SLC30A9: variants seen among roughly 807,000 people sequenced by gnomAD.
The protein encoded by SLC30A9 is solute carrier family 30 member 9.
In SLC30A9, 58 loss-of-function variants were observed where a neutral mutation model predicts 87.5. That is an observed-to-expected ratio of 0.66 (90% CI 0.54 to 0.82). The LOEUF (loss-of-function observed/expected upper bound fraction) is 0.82. SLC30A9 is among the 40% of genes least tolerant of loss of function. SLC30A9 has a pLI of 0.00. For missense variants in SLC30A9, 557 were observed against 679.1 expected (o/e 0.82, Z 2.00); for synonymous variants, 234 against 233.0 (o/e 1.00, Z -0.04).
Position 42,020,352 on chromosome 4 carries a change from A to G in SLC30A9, c.335-64A>G, listed in dbSNP as rs1234677927. 5 of 763,470 alleles carry G rather than the reference A, an allele frequency of 6.5e-6. No individual in the cohort carries two copies. In the South Asian group the frequency reaches 8.6e-5, roughly 13 times the overall value. The allele number at this position is 763,470 out of a possible 1,614,324, so 47.3% of individuals were successfully genotyped here. On this transcript the variant is annotated intron_variant, in intron 3 of 17. Coordinates refer to ENST00000264451, the MANE Select transcript of SLC30A9 (RefSeq NM_006345.4). ...AGTGAAGCCTCTTAAGTATCAGCCT[A>G]TATTCATCTTCACATGTGACTTTCA...
chr4:42,014,464 G>A (rs1377290298), intron 2 of SLC30A9, among the ~76,000 whole-genome samples: 1 of 152,080 alleles, frequency 6.6e-6, no homozygotes, highest in Non-Finnish European at 1.5e-5. Flanking sequence ...GGCTGAGGCA[G>A]GAGAATTGCT....
rs1718116466 is a variant in SLC30A9, at chr4:42,067,257, A to T, written c.1252+65A>T. ...CTTAAATAATTCTCTAATATGTGGG[A>T]ATTTTCTCTTATATCATTGAATAAT... On this transcript the variant is annotated intron_variant, in intron 14 of 17. Transcript: ENST00000264451. 3.0e-6 allele frequency: 3 copies of T among 989,478 alleles called. No individual in the cohort carries two copies. In the Admixed American group the frequency reaches 5.5e-5, roughly 18 times the overall value. 61.3% of individuals were successfully genotyped at this position (989,478 alleles called of 1,614,324 possible). A position where few individuals can be genotyped will look rare whatever the true frequency, so the allele number is the denominator to read the frequency against.
At chr4:41,995,258 C>T (rs1489784474) in intron 1 of SLC30A9, among the ~76,000 whole-genome samples, 1 of 152,026 alleles carries the variant, frequency 6.6e-6, no homozygotes, top group African/African-American at 2.4e-5. Flanking sequence ...AAAACTCCGT[C>T]CCCCCACCAA....
chr4:41,990,935 TCTCTGA>T (rs1168103687), intron 1 of SLC30A9, among the ~76,000 whole-genome samples, 175 bp downstream of exon 1: 85 of 152,166 alleles, frequency 5.6e-4, no homozygotes, highest in Non-Finnish European at 1.0e-4. Flanking sequence ...TCCTGACAGG[TCTCTGA>T]CTCTGATGCC....
At chr4:42,027,439 A>G (rs1423021235) in intron 6 of SLC30A9, among the ~76,000 whole-genome samples, 2 of 149,412 alleles carry the variant, frequency 1.3e-5, no homozygotes. Flanking sequence ...AGTATTTCAA[A>G]TGTCATAGGT....
At chr4:42,061,745 A>G (rs1717861242) in intron 10 of SLC30A9, among the ~76,000 whole-genome samples, 1 of 151,560 alleles carries the variant, frequency 6.6e-6, no homozygotes, top group East Asian at 1.9e-4. Context: ...TGACAAAACA[A>G]AAAAATTAGC....
At chr4:42,030,758 A>G (rs569446326) in intron 6 of SLC30A9, among the ~76,000 whole-genome samples, 1 of 152,314 alleles carries the variant, frequency 6.6e-6, no homozygotes, top group South Asian at 2.1e-4. Flanking sequence ...AAGTGACACT[A>G]CAGAAAAACA....
At chr4:41,998,404 TGGTG>T (rs1266095611) in intron 1 of SLC30A9, among the ~76,000 whole-genome samples, 1 of 152,096 alleles carries the variant, frequency 6.6e-6, no homozygotes, top group Non-Finnish European at 1.5e-5. Context: ...AGAATATTAA[TGGTG>T]GGTAATATTT....
At chr4:42,070,253 A>C (rs1247566697) in intron 14 of SLC30A9, 1 of 287,676 alleles carries the variant, frequency 3.5e-6, no homozygotes, top group Non-Finnish European at 6.4e-6. Context: ...TGGTGTCTCT[A>C]ATCTAAATGT....
chr4:42,018,170 G>A lies in SLC30A9; in HGVS notation c.334G>A (p.Val112Ile). The A allele has an allele frequency of 6.6e-7, 1 of 1,509,820 alleles. No homozygotes were observed. The highest frequency in any genetic ancestry group is 9.2e-7 in the Non-Finnish European group (1 of 1,090,898). 93.5% of individuals were successfully genotyped at this position (1,509,820 alleles called of 1,614,324 possible). ...PLKQEPLQVR[V>I]KAVLKKREYG... is the part of the protein sequence containing the mutation. ...TAAGCAAGAACCTCTCCAAGTAAGAGGTAAATATATTTTATCCTATTTTTG... is the reference window on the plus strand; with the variant it reads ...TAAGCAAGAACCTCTCCAAGTAAGAAGTAAATATATTTTATCCTATTTTTG... The change falls in exon 3 of 18, where the codon GTT (valine) becomes ATT (isoleucine). Residue 112 changes from valine to isoleucine, a missense_variant and splice_region_variant. Physicochemically the swap from Val to Ile is conservative, Grantham distance 29. This residue lies in a region of SLC30A9 where 467 missense variants were observed against 529.8 expected (regional missense o/e 0.88). Coordinates refer to ENST00000264451, the MANE Select transcript of SLC30A9 (RefSeq NM_006345.4).
intron 9 of SLC30A9, among the ~76,000 whole-genome samples, chr4:42,051,925 G>A (rs1364055209): frequency 6.6e-6 from 1 of 151,284 alleles, no homozygotes; most frequent in Non-Finnish European, 1.5e-5. Flanking sequence ...CTACAGACCA[G>A]TTATTCCTCA....
At chr4:42,035,216 A>T in intron 6 of SLC30A9, 59 bp from the exon 7 acceptor site, 1 of 1,503,860 alleles carries the variant, frequency 6.6e-7, no homozygotes, top group Non-Finnish European at 9.2e-7. Context: ...TATCATGTTC[A>T]TCTAAACTGT....
intron 1 of SLC30A9, among the ~76,000 whole-genome samples, chr4:41,994,228 T>C (rs1714591940): frequency 6.6e-6 from 1 of 152,130 alleles, no homozygotes; most frequent in Non-Finnish European, 1.5e-5. Context: ...AGGTAAAAAC[T>C]GTAGAAAAAT....
intron 9 of SLC30A9, among the ~76,000 whole-genome samples, chr4:42,057,103 G>T: frequency 6.6e-6 from 1 of 152,178 alleles, no homozygotes; most frequent in East Asian, 1.9e-4. Context: ...TGCTTTCAGG[G>T]GCTGGCATTG....
chr4:42,054,389 A>G (rs1206469360), intron 9 of SLC30A9, among the ~76,000 whole-genome samples: 1 of 152,098 alleles, frequency 6.6e-6, no homozygotes, highest in Non-Finnish European at 1.5e-5. Context: ...TACATTCAGG[A>G]TTTGTGCATT....
chr4:42,032,626 A>C (rs1043090513), intron 6 of SLC30A9, among the ~76,000 whole-genome samples: 1 of 152,156 alleles, frequency 6.6e-6, no homozygotes, highest in African/African-American at 2.4e-5. Context: ...GTTCATTACC[A>C]GGAGGGGAGC....
chr4:42,053,157 A>G (rs1717452848), intron 9 of SLC30A9, among the ~76,000 whole-genome samples: 1 of 152,226 alleles, frequency 6.6e-6, no homozygotes, highest in Non-Finnish European at 1.5e-5. Flanking sequence ...TATTAATACC[A>G]CAAGACATCT....
At chr4:42,068,872 T>A (rs1718194332) in intron 14 of SLC30A9, among the ~76,000 whole-genome samples, 1 of 152,254 alleles carries the variant, frequency 6.6e-6, no homozygotes, top group Admixed American at 6.5e-5. Flanking sequence ...ATGAAAAGAC[T>A]CAATTTATGA....
intron 8 of SLC30A9, among the ~76,000 whole-genome samples, chr4:42,042,860 T>G (rs1454224389): frequency 1.3e-5 from 2 of 152,124 alleles, no homozygotes; most frequent in African/African-American, 4.8e-5. Context: ...TCCTCTGGGA[T>G]GAAGCTTCCA....
Sources: gnomAD v4.1 joint callset for allele counts (sites outside exome capture counted in the v4.1 genomes callset) on GRCh38, gnomAD v4.1.1 for gene constraint, gnomAD v4.1.1 regional missense constraint, MANE v1.5 for transcripts, NCBI Gene and HGNC (gene_info 2026-07-23, HGNC 2026-07-21) for gene names.